Variants in SLC4A8 observed in about 807,000 individuals in gnomAD.
The protein encoded by SLC4A8 is electroneutral sodium bicarbonate exchanger 1.
A neutral mutation model predicts 125.0 loss-of-function variants in SLC4A8; 40 were observed. That is an observed-to-expected ratio of 0.32 (90% CI 0.25 to 0.42). The LOEUF (loss-of-function observed/expected upper bound fraction) is 0.42, where lower values mean the gene tolerates loss of function less well. SLC4A8 is among the 10% of genes least tolerant of loss of function. The pLI is 1.00. For synonymous variants in SLC4A8, 456 were observed against 476.0 expected, an observed-to-expected ratio of 0.96 and a Z score of 0.55; for missense variants, 863 against 1,355.1, an observed-to-expected ratio of 0.64 and a Z score of 5.70.
At chr12:51,472,782 A>G (rs1950742043) in intron 14 of SLC4A8, among the ~76,000 whole-genome samples, 1 of 152,058 alleles carries the variant, frequency 6.6e-6, no homozygotes, top group Non-Finnish European at 1.5e-5. Context: ...ATTTTTTTTT[A>G]GTTGCATTCT....
chr12:51,426,598 G>A (rs538761959), intron 1 of SLC4A8, among the ~76,000 whole-genome samples: 1 of 152,190 alleles, frequency 6.6e-6, no homozygotes, highest in Non-Finnish European at 1.5e-5. Flanking sequence ...TGAGGGAAGA[G>A]GGGGATCACA....
At chr12:51,443,337 GT>G (rs1379629200) in intron 2 of SLC4A8, among the ~76,000 whole-genome samples, 11 of 152,122 alleles carry the variant, frequency 7.2e-5, no homozygotes, top group African/African-American at 2.7e-4. Context: ...TGTGTACATT[GT>G]TAGAAACTTT....
chr12:51,396,925 A>ATTTTTTTTTTTTTTTTTTTTTTTT (rs753146267), intron 1 of SLC4A8, among the ~76,000 whole-genome samples: 2 of 106,314 alleles, frequency 1.9e-5, no homozygotes, highest in African/African-American at 3.7e-5. Flanking sequence ...GCCTTAGTTA[A>ATTTTTTTTTTTTTTTTTTTTTTTT]TTTTTTTTTT....
intron 22 of SLC4A8, among the ~76,000 whole-genome samples, chr12:51,501,283 A>G (rs1937871781): frequency 1.3e-5 from 2 of 152,222 alleles, no homozygotes. Context: ...ATAGTACCCC[A>G]TAGGTAGTTT....
chr12:51,498,879 C>CAAAAA (rs1179044009), intron 22 of SLC4A8, among the ~76,000 whole-genome samples: 19 of 35,810 alleles, frequency 5.3e-4, no homozygotes, highest in African/African-American at 8.3e-4. Context: ...GATCCTGTCT[C>CAAAAA]AAAAAAAAAA....
At chr12:51,492,704 G>T (rs996756826) in intron 19 of SLC4A8, among the ~76,000 whole-genome samples, 2 of 151,976 alleles carry the variant, frequency 1.3e-5, no homozygotes, top group Admixed American at 1.3e-4. Context: ...TTAAGTTCTG[G>T]GATACATGTG....
chr12:51,500,196 G>T (rs1937788798), intron 22 of SLC4A8, among the ~76,000 whole-genome samples: 1 of 152,128 alleles, frequency 6.6e-6, no homozygotes, highest in Admixed American at 6.5e-5. Context: ...ATCTCCTTTG[G>T]ATGTTAAGTT....
intron 1 of SLC4A8, among the ~76,000 whole-genome samples, chr12:51,439,923 G>C (rs1949540004): frequency 1.3e-5 from 2 of 152,148 alleles, no homozygotes; most frequent in African/African-American, 4.8e-5. Context: ...CTTGAGGTGT[G>C]GCATCCTAGT....
rs1273344073 is a variant in SLC4A8, at chr12:51,462,383, A to G, written c.1175A>G (p.Gln392Arg). 1 of 1,612,592 alleles carries G rather than the reference A, an allele frequency of 6.2e-7. No homozygotes were observed. Among genetic ancestry groups the G allele is most frequent in the East Asian group, 2.2e-5 (1 of 44,846 alleles). ...LLAGIDEFLD[Q>R]VTVLPPGEWD... ...GCGGGGATTGATGAGTTCCTAGACC[A>G]GGTGACGGTGCTCCCTCCAGGAGAG... The change falls in exon 10 of 25, where the codon CAG becomes CGG. Residue 392 changes from glutamine (Q) to arginine (R), a missense_variant. Gln to Arg is a conservative substitution (Grantham distance 43, BLOSUM62 1). Transcript: ENST00000453097.
intron 1 of SLC4A8, among the ~76,000 whole-genome samples, chr12:51,435,744 G>A (rs894945866): frequency 2.0e-5 from 3 of 151,952 alleles, no homozygotes; most frequent in Non-Finnish European, 4.4e-5. Context: ...CTATTTTTTG[G>A]CAAGAGACCC....
intron 1 of SLC4A8, among the ~76,000 whole-genome samples, chr12:51,410,765 T>C (rs1344400692): frequency 2.6e-5 from 4 of 152,108 alleles, no homozygotes; most frequent in Non-Finnish European, 5.9e-5. Flanking sequence ...TGGCCAATCA[T>C]TTTTTAATTA....
chr12:51,445,233 C>T (rs763579108), intron 2 of SLC4A8, among the ~76,000 whole-genome samples: 7 of 152,072 alleles, frequency 4.6e-5, no homozygotes, highest in East Asian at 3.8e-4. Context: ...TGCAGTAGTG[C>T]GATCATGGCT....
chr12:51,429,364 C>G (rs954240489), intron 1 of SLC4A8, among the ~76,000 whole-genome samples: 4 of 152,164 alleles, frequency 2.6e-5, no homozygotes, highest in African/African-American at 9.7e-5. Context: ...AATAAGCACT[C>G]ACTAAGTGTT....
chr12:51,420,379 GAA>G (rs1948763226), upstream of SLC4A8, among the ~76,000 whole-genome samples: 1 of 152,154 alleles, frequency 6.6e-6, no homozygotes, highest in African/African-American at 2.4e-5. Context: ...TGCTTTTGAT[GAA>G]AAAACTGGTT....
At chr12:51,471,183 G>A (rs559924355) in intron 13 of SLC4A8, 104 bp from the exon 14 acceptor site, 51 of 1,044,000 alleles carry the variant, frequency 4.9e-5, no homozygotes, top group Non-Finnish European at 7.1e-5. Flanking sequence ...GGATAAACTG[G>A]GTTCCAGTGC....
upstream of SLC4A8, among the ~76,000 whole-genome samples, chr12:51,421,606 G>T (rs1404409518): frequency 1.3e-5 from 2 of 152,110 alleles, no homozygotes; most frequent in Admixed American, 1.3e-4. Context: ...TTCTGCCATG[G>T]CTGGGACTTG....
intron 1 of SLC4A8, chr12:51,391,722 G>GCCCCT (rs1278157852): frequency 6.6e-6 from 1 of 152,186 alleles, no homozygotes; most frequent in Non-Finnish European, 1.5e-5. Context: ...CGCCCGCCCC[G>GCCCCT]CCCCTCCCTG....
At chr12:51,501,141 AAG>A (rs1172688579) in intron 22 of SLC4A8, among the ~76,000 whole-genome samples, 1 of 152,136 alleles carries the variant, frequency 6.6e-6, no homozygotes, top group Non-Finnish European at 1.5e-5. Flanking sequence ...ATTATTTTCT[AAG>A]AAAACATTTT....
At chr12:51,449,967 T>C (rs920558778) in intron 2 of SLC4A8, among the ~76,000 whole-genome samples, 1 of 152,096 alleles carries the variant, frequency 6.6e-6, no homozygotes, top group African/African-American at 2.4e-5. Flanking sequence ...AGTTCAAGGC[T>C]ACAGTAAGAT....
Sources: gnomAD v4.1 joint callset for allele counts (sites outside exome capture counted in the v4.1 genomes callset) on GRCh38, gnomAD v4.1.1 for gene constraint, MANE v1.5 for transcripts, NCBI Gene and HGNC (gene_info 2026-07-23, HGNC 2026-07-21) for gene names.